VPS33B: variants seen among roughly 807,000 people sequenced by gnomAD.
The protein encoded by VPS33B is vacuolar protein sorting-associated protein 33B.
A neutral mutation model predicts 95.3 loss-of-function variants in VPS33B; 80 were observed. The observed-to-expected ratio is 0.84, with a 90% CI of 0.70 to 1.01. The LOEUF is 1.01. Among genes scored for constraint, VPS33B ranks in the 50% least tolerant of loss-of-function variants. The pLI is 0.00. For missense variants in VPS33B, 715 were observed against 773.4 expected, an observed-to-expected ratio of 0.92 and a Z score of 0.90; for synonymous variants, 280 against 280.4, an observed-to-expected ratio of 1.00 and a Z score of 0.01.
At chr15:91,001,517 G>T in intron 18 of VPS33B, 55 bp from the exon 19 acceptor site, 3 of 1,422,938 alleles carry the variant, frequency 2.1e-6, no homozygotes, top group Non-Finnish European at 3.0e-6. Context: ...TCATGACACT[G>T]CCACAGATAA....
rs1465377108 is a variant in VPS33B, at chr15:91,006,736, CAG to C, written c.701-9_701-8del. 1.2e-6 allele frequency: 2 copies of C among 1,614,048 alleles called. No individual in the cohort carries two copies. Among genetic ancestry groups the C allele is most frequent in the African/African-American group, 2.7e-5 (2 of 74,912 alleles). On this transcript the variant is annotated splice_region_variant and splice_polypyrimidine_tract_variant and intron_variant, in intron 9 of 22. Transcript: ENST00000333371. The surrounding 1 kb of genome is among the most constrained non-coding windows in gnomAD (Gnocchi z 5.4). ...GCTGTCACAAAGTCCACATCTGAAA[CAG>C]AGATCCCTGACCATGAAGGTTCTCC...
At position 91,022,307 on chromosome 15, in the gene VPS33B, C is replaced by T. The variant is rs1658941517; in HGVS notation, c.-58G>A. 6.7e-7 allele frequency: 1 copy of T among 1,495,550 alleles called. No individual in the cohort carries two copies. Among genetic ancestry groups the T allele is most frequent in the East Asian group, 2.5e-5 (1 of 40,218 alleles). The allele number at this position is 1,495,550 out of a possible 1,614,324, so 92.6% of individuals were successfully genotyped here. ...ACGCCCTTCGTTCTGAGAAGGCCGG[C>T]CGCAGCCCAGGGAAGCGCAAGGGGG... On this transcript the variant is annotated 5_prime_UTR_variant, in exon 1 of 23. Transcript: ENST00000333371.
rs1314816841 is a variant in VPS33B at position 91,010,815 on chromosome 15, T to C, written c.358-969A>G. ...AGTTGCAAGGAAGGGTGGGCAACAG[T>C]GTCAAATGCCAGGGAAGTTAAGTAG... is the stretch of plus-strand genomic sequence containing the variant. On this transcript the variant is annotated intron_variant, in intron 5 of 22. Coordinates refer to ENST00000333371, the MANE Select transcript of VPS33B (RefSeq NM_018668.5). The surrounding 1 kb of genome is among the most constrained non-coding windows in gnomAD (Gnocchi z 5.7). Among the ~76,000 whole-genome samples, 1 of 152,122 alleles carries C rather than the reference T, an allele frequency of 6.6e-6. No homozygotes were observed. The highest frequency in any genetic ancestry group is 2.4e-5 in the African/African-American group (1 of 41,438).
chr15:91,017,195 A>C, intron 2 of VPS33B, 171 bp from the exon 3 acceptor site: 2 of 654,324 alleles, frequency 3.1e-6, no homozygotes, highest in Non-Finnish European at 5.5e-6. Context: ...TTTTCCTCAA[A>C]CTGTCAATAG....
At chr15:91,008,011 C>T (rs763870828) in intron 6 of VPS33B, 47 bp from the exon 7 acceptor site, 9 of 1,583,446 alleles carry the variant, frequency 5.7e-6, no homozygotes, top group Non-Finnish European at 7.8e-6. Flanking sequence ...GTACTTAGCT[C>T]CACGTTAAGA....
intron 3 of VPS33B, among the ~76,000 whole-genome samples, chr15:91,014,701 CA>C (rs977384632): frequency 1.3e-5 from 2 of 151,732 alleles, no homozygotes; most frequent in African/African-American, 4.8e-5. Flanking sequence ...ATCCAGTGGG[CA>C]AAAAAAGATG....
Position 91,000,026 on chromosome 15 carries a change from G to A in VPS33B, c.1582-51C>T. 10 of 1,606,032 alleles carry A rather than the reference G, an allele frequency of 6.2e-6. No individual in the cohort carries two copies. Among genetic ancestry groups the A allele is most frequent in the Non-Finnish European group, 8.5e-6 (10 of 1,174,366 alleles). On this transcript the variant is annotated intron_variant, in intron 20 of 22. Coordinates refer to ENST00000333371, the MANE Select transcript of VPS33B (RefSeq NM_018668.5). The surrounding 1 kb of genome is among the most constrained non-coding windows in gnomAD (Gnocchi z 4.9). ...AAGGCTACAGACAGTATCAGGCTTA[G>A]GAAAGGAAGGGCACAGCAGCCAGAC...
rs1417667229 is a variant in VPS33B, at chr15:91,007,764, A to G, written c.498+106T>C. 2 of 1,247,364 alleles carry G rather than the reference A, an allele frequency of 1.6e-6. No individual in the cohort carries two copies. Among genetic ancestry groups the G allele is most frequent in the Non-Finnish European group, 1.2e-6 (1 of 850,292 alleles). The allele number at this position is 1,247,364 out of a possible 1,614,324, so 77.3% of individuals were successfully genotyped here. A position where few individuals can be genotyped will look rare whatever the true frequency, so the allele number is the denominator to read the frequency against. ...AATCACCACATCACTATCACTTGTGATAAATTACTTGCGTTGGACAAAGGT... is the reference window on the plus strand; with the variant it reads ...AATCACCACATCACTATCACTTGTGGTAAATTACTTGCGTTGGACAAAGGT... On this transcript the variant is annotated intron_variant, in intron 7 of 22. Coordinates refer to ENST00000333371, the MANE Select transcript of VPS33B (RefSeq NM_018668.5). The surrounding 1 kb of genome is among the most constrained non-coding windows in gnomAD (Gnocchi z 5.3).
chr15:91,022,519 T>G lies in VPS33B; in HGVS notation c.-270A>C. 2.9e-6 allele frequency: 1 copy of G among 346,558 alleles called. No homozygotes were observed. The highest frequency in any genetic ancestry group is 5.3e-6 in the Non-Finnish European group (1 of 190,098). The allele number at this position is 346,558 out of a possible 1,614,324, so 21.5% of individuals were successfully genotyped here. A position where few individuals can be genotyped will look rare whatever the true frequency, so the allele number is the denominator to read the frequency against. ...TGATCCACTCTGCCCGTCAGCAGGA[T>G]TCCGGTCTACACCCCGCAGAGACTC... On this transcript the variant is annotated 5_prime_UTR_variant, in exon 1 of 23. Transcript: ENST00000333371.
At position 91,009,653 on chromosome 15, in the gene VPS33B, GAA is replaced by G. The variant is rs2040724372; in HGVS notation, c.403+146_403+147del. On this transcript the variant is annotated intron_variant, in intron 6 of 22. Coordinates refer to ENST00000333371, the MANE Select transcript of VPS33B (RefSeq NM_018668.5). The surrounding 1 kb of genome is among the most constrained non-coding windows in gnomAD (Gnocchi z 4.1). ...GTCCTATTCCCATTCCCATTCTCAG[GAA>G]CCTCTCCTCCTGCTACACTAACAGG... The G allele has an allele frequency of 1.2e-6, 1 of 832,756 alleles. No individual in the cohort carries two copies. The allele number at this position is 832,756 out of a possible 1,614,324, so 51.6% of individuals were successfully genotyped here.
At chr15:91,008,212 GT>G (rs2040672941) in intron 6 of VPS33B, among the ~76,000 whole-genome samples, 2 of 152,164 alleles carry the variant, frequency 1.3e-5, no homozygotes, top group South Asian at 4.1e-4. Flanking sequence ...TAAGTGGTGG[GT>G]TTTTACTAGA....
rs112551166 is a variant in VPS33B at position 91,000,290 on chromosome 15, C to T, written c.1581+200G>A. On this transcript the variant is annotated intron_variant, in intron 20 of 22. Coordinates refer to ENST00000333371, the MANE Select transcript of VPS33B (RefSeq NM_018668.5). This position sits in a 1 kb window ranked among gnomAD's most constrained non-coding sequence, Gnocchi z 4.9. ...CACATGCCTGTAGTCCCAGCTACTT[C>T]GGAAGCTGAGGCAGGAGAATCACTT... 0.072 allele frequency among the ~76,000 whole-genome samples: 10,957 copies of T among 152,036 alleles called. 515 individuals carry two copies. Among genetic ancestry groups the T allele is most frequent in the South Asian group, 0.16 (755 of 4,816 alleles).
chr15:91,016,865 G>T, intron 3 of VPS33B, 98 bp downstream of exon 3: 2 of 1,177,290 alleles, frequency 1.7e-6, no homozygotes, highest in South Asian at 1.2e-5. Context: ...GTTCAGGGAG[G>T]TGAACCATAT....
chr15:91,021,385 T>C (rs901990688), intron 1 of VPS33B, among the ~76,000 whole-genome samples: 2 of 152,146 alleles, frequency 1.3e-5, no homozygotes, highest in Admixed American at 1.3e-4. Context: ...CAGTAAGTCT[T>C]TGAGTTTTCT....
Position 91,017,712 on chromosome 15 carries a change from T to C in VPS33B, c.177+93A>G, listed in dbSNP as rs891263634. ...CAATTAAGCTACCCTATATTTGCCCTACAAGAGTAGTCACTCTTCAGTAGT... is the reference window on the plus strand; with the variant it reads ...CAATTAAGCTACCCTATATTTGCCCCACAAGAGTAGTCACTCTTCAGTAGT... On this transcript the variant is annotated intron_variant, in intron 2 of 22. Coordinates refer to ENST00000333371, the MANE Select transcript of VPS33B (RefSeq NM_018668.5). 5.0e-6 allele frequency: 6 copies of C among 1,191,360 alleles called. No individual in the cohort carries two copies. In the African/African-American group the frequency reaches 7.5e-5, roughly 15 times the overall value. The allele number at this position is 1,191,360 out of a possible 1,614,324, so 73.8% of individuals were successfully genotyped here. A position where few individuals can be genotyped will look rare whatever the true frequency, so the allele number is the denominator to read the frequency against.
At chr15:91,001,730 C>T (rs1017464186) in intron 18 of VPS33B, among the ~76,000 whole-genome samples, 3 of 151,992 alleles carry the variant, frequency 2.0e-5, no homozygotes, top group Non-Finnish European at 4.4e-5. Flanking sequence ...GGAGTTAAAC[C>T]GACCTAACTT....
In VPS33B at chr15:91,011,518, AC is replaced by A. The variant is rs1452536616; in HGVS notation, c.358-1673del. On this transcript the variant is annotated intron_variant, in intron 5 of 22. Coordinates refer to ENST00000333371, the MANE Select transcript of VPS33B (RefSeq NM_018668.5). The surrounding 1 kb of genome is among the most constrained non-coding windows in gnomAD (Gnocchi z 5.5). ...TGAAAACTGCCAATCTTCATAATTA[AC>A]AAAGGAGTCTCAAAGAAGAGAGAGA... Among the ~76,000 whole-genome samples, 1 of 152,246 alleles carries A rather than the reference AC, an allele frequency of 6.6e-6. No individual in the cohort carries two copies. The highest frequency in any genetic ancestry group is 2.4e-5 in the African/African-American group (1 of 41,472).
rs764822607 is a variant in VPS33B, at chr15:91,006,013, A to T, written c.899T>A (p.Phe300Tyr). The T allele has an allele frequency of 6.2e-7, 1 of 1,614,200 alleles. No homozygotes were observed. The highest frequency in any genetic ancestry group is 8.5e-7 in the Non-Finnish European group (1 of 1,180,034). ...RNEHFSNVFG[F>Y]LSQKARNLQA... ...CAAGTTCCGGGCCTTCTGGCTCAAG[A>T]AGCCAAAGACATTGGAGAAGTGCTC... Residue 300 changes from phenylalanine (F) to tyrosine (Y), a missense_variant, in exon 12 of 23, where the codon TTC (phenylalanine) becomes TAC (tyrosine). By Grantham distance (22) the Phe-to-Tyr change is conservative. Transcript: ENST00000333371. This position sits in a 1 kb window ranked among gnomAD's most constrained non-coding sequence, Gnocchi z 5.4.
chr15:91,008,210 G>C (rs1381766826), intron 6 of VPS33B, among the ~76,000 whole-genome samples: 1 of 152,140 alleles, frequency 6.6e-6, no homozygotes. Context: ...GATAAGTGGT[G>C]GGTTTTTACT....
Sources: allele counts gnomAD v4.1 joint callset (sites outside exome capture counted in the v4.1 genomes callset), GRCh38; gene constraint gnomAD v4.1.1; non-coding constraint Gnocchi (gnomAD v3.1); transcripts MANE v1.5; gene names NCBI Gene and HGNC (gene_info 2026-07-23, HGNC 2026-07-21).